The following CEP41 variants were observed in gnomAD, a reference collection of about 807,000 sequenced individuals.
CEP41 encodes the protein centrosomal protein 41, also known as centrosomal protein of 41 kDa.
In CEP41, 32 loss-of-function variants were observed where a neutral mutation model predicts 44.3. The observed-to-expected ratio is 0.72, with a 90% CI of 0.54 to 0.97. The LOEUF (loss-of-function observed/expected upper bound fraction) is 0.97, where lower values mean the gene tolerates loss of function less well. CEP41 is among the 50% of genes least tolerant of loss of function. The pLI, the probability that CEP41 is intolerant of heterozygous loss-of-function variation, is 0.00. For missense variants in CEP41, 432 were observed against 455.2 expected, an observed-to-expected ratio of 0.95 and a Z score of 0.46; for synonymous variants, 151 against 168.5, an observed-to-expected ratio of 0.90 and a Z score of 0.80.
At chr7:130,399,710 C>G (rs1796783238) in intron 10 of CEP41, 5 of 302,792 alleles carry the variant, frequency 1.7e-5, no homozygotes, top group Non-Finnish European at 3.2e-5. Flanking sequence ...ATCCCACCTA[C>G]TCGGGAGGCT....
intron 3 of CEP41, among the ~76,000 whole-genome samples, chr7:130,413,662 G>A (rs1197738357): frequency 6.6e-6 from 1 of 151,736 alleles, no homozygotes; most frequent in Non-Finnish European, 1.5e-5. Context: ...CTCACATATA[G>A]GTACTTCTGC....
intron 5 of CEP41, among the ~76,000 whole-genome samples, chr7:130,405,959 C>G (rs1232079794): frequency 2.0e-5 from 3 of 152,070 alleles, no homozygotes; most frequent in African/African-American, 7.2e-5. Flanking sequence ...AATCAGCAAT[C>G]CTTTCATTAA....
rs1554415526 is a variant in CEP41 at position 130,397,941 on chromosome 7, T to G, written c.*950A>C. On this transcript the variant is annotated 3_prime_UTR_variant, in exon 11 of 11. Coordinates refer to ENST00000223208, the MANE Select transcript of CEP41 (RefSeq NM_018718.3). The stretch of plus-strand genomic sequence containing the variant: ...AATACTGTATTTCTAAGCAAGGGCT[T>G]ACGAGGTTGTCAGCCCTGACAAAGG... 3 of 454,522 alleles carry G rather than the reference T, an allele frequency of 6.6e-6. No individual in the cohort carries two copies. The highest frequency in any genetic ancestry group is 4.7e-5 in the South Asian group (3 of 64,478). The allele number at this position is 454,522 out of a possible 1,614,324, so 28.2% of individuals were successfully genotyped here. A position where few individuals can be genotyped will look rare whatever the true frequency, so the allele number is the denominator to read the frequency against.
At chr7:130,421,353 C>T (rs1314970898) in intron 2 of CEP41, 1 of 985,348 alleles carries the variant, frequency 1.0e-6, no homozygotes, top group Non-Finnish European at 1.2e-6. Context: ...TATTTCCCTC[C>T]TCTATGGAGA....
At chr7:130,430,310 CAGTCCTTCAGTGTCATTAA>C (rs546869884) in intron 1 of CEP41, among the ~76,000 whole-genome samples, 17 of 152,182 alleles carry the variant, frequency 1.1e-4, no homozygotes, top group Non-Finnish European at 2.2e-4. Context: ...GTGAAAGGGT[CAGTCCTTCAGTGTCATTAA>C]AAACCATTCA....
At chr7:130,433,611 A>C (rs1797884788) in intron 1 of CEP41, among the ~76,000 whole-genome samples, 1 of 152,196 alleles carries the variant, frequency 6.6e-6, no homozygotes, top group East Asian at 1.9e-4. Context: ...GGTTTACATA[A>C]AAGAAAATGT....
At chr7:130,420,121 G>A (rs150292718) in intron 2 of CEP41, 15 of 951,598 alleles carry the variant, frequency 1.6e-5, no homozygotes, top group African/African-American at 3.6e-5. Flanking sequence ...CAGGAGTTCC[G>A]GACCAGCCTG....
At chr7:130,423,482 G>A (rs1341077263) in intron 2 of CEP41, among the ~76,000 whole-genome samples, 3 of 152,244 alleles carry the variant, frequency 2.0e-5, no homozygotes, top group Non-Finnish European at 2.9e-5. Context: ...CATTGGTGAT[G>A]ATGTGGAGAA....
At position 130,403,395 on chromosome 7, in the gene CEP41, G is replaced by C. The variant is rs188228275; in HGVS notation, c.423-596C>G. On this transcript the variant is annotated intron_variant, in intron 6 of 10. Transcript: ENST00000223208. The stretch of plus-strand genomic sequence containing the variant: ...GTGGCATTCATAGAATGAGGCAGAG[G>C]AAGAGCTGGGATTAAAATGAGGAAG... Among the ~76,000 whole-genome samples the C allele has an allele frequency of 2.6e-5, 4 of 152,282 alleles. No individual in the cohort carries two copies. The East Asian group carries it at 7.7e-4, about 29-fold the overall frequency.
intron 1 of CEP41, among the ~76,000 whole-genome samples, chr7:130,431,101 G>A (rs1185310364): frequency 6.6e-6 from 1 of 151,116 alleles, no homozygotes; most frequent in Non-Finnish European, 1.5e-5. Flanking sequence ...TCTTGTTCCT[G>A]ACTTTCTAGT....
intron 1 of CEP41, among the ~76,000 whole-genome samples, chr7:130,433,456 T>C (rs1797880148): frequency 1.3e-5 from 2 of 152,132 alleles, no homozygotes; most frequent in Admixed American, 1.3e-4. Context: ...GGGTCAATTT[T>C]GGATCTATTT....
At chr7:130,419,719 C>T in intron 2 of CEP41, 1 of 985,270 alleles carries the variant, frequency 1.0e-6, no homozygotes, top group Non-Finnish European at 1.2e-6. Context: ...GCACTGGACA[C>T]CAACTCACTA....
intron 2 of CEP41, among the ~76,000 whole-genome samples, chr7:130,423,894 G>GA (rs1797584009): frequency 6.6e-6 from 1 of 152,164 alleles, no homozygotes; most frequent in Non-Finnish European, 1.5e-5. Flanking sequence ...GCATCTACAC[G>GA]AAATGTTCAG....
At position 130,399,130 on chromosome 7, in the gene CEP41, C is replaced by T. The variant is rs1796764850; in HGVS notation, c.974-91G>A. 3.3e-6 allele frequency: 5 copies of T among 1,504,964 alleles called. No individual in the cohort carries two copies. The Admixed American group carries it at 8.3e-5, about 25-fold the overall frequency. The allele number at this position is 1,504,964 out of a possible 1,614,324, so 93.2% of individuals were successfully genotyped here. On this transcript the variant is annotated intron_variant, in intron 10 of 10. Coordinates refer to ENST00000223208, the MANE Select transcript of CEP41 (RefSeq NM_018718.3). ...AGTTTTAAGCTAATGAAGTCCTAGCCTACAACCACTTTTAAGCTAATGAAG... is the reference window on the plus strand; with the variant it reads ...AGTTTTAAGCTAATGAAGTCCTAGCTTACAACCACTTTTAAGCTAATGAAG...
At position 130,396,229 on chromosome 7, in the gene CEP41, T is replaced by C. The variant is rs782755677; in HGVS notation, c.*2662A>G. On this transcript the variant is annotated 3_prime_UTR_variant, in exon 11 of 11. Transcript: ENST00000223208. ...GATGAAGCACCTTCTGTCTCAGGGT[T>C]CACAAGCCCCAGACAAGGGCAGCTA... 2.2e-6 allele frequency: 1 copy of C among 454,076 alleles called. No individual in the cohort carries two copies. The highest frequency in any genetic ancestry group is 1.6e-5 in the South Asian group (1 of 64,478). The allele number at this position is 454,076 out of a possible 1,614,324, so 28.1% of individuals were successfully genotyped here.
chr7:130,405,731 C>A (rs1448980871), intron 5 of CEP41, among the ~76,000 whole-genome samples: 2 of 152,110 alleles, frequency 1.3e-5, no homozygotes, highest in Non-Finnish European at 2.9e-5. Flanking sequence ...ACTGCAAGTG[C>A]CTGATTTTAA....
At chr7:130,427,425 TG>T (rs1274616287) in intron 2 of CEP41, among the ~76,000 whole-genome samples, 2 of 149,460 alleles carry the variant, frequency 1.3e-5, no homozygotes, top group Non-Finnish European at 3.0e-5. Flanking sequence ...AAATTCTGAC[TG>T]GTATTTCAGT....
chr7:130,422,013 G>A (rs1554422336), intron 2 of CEP41: 3 of 1,535,578 alleles, frequency 2.0e-6, no homozygotes, highest in Admixed American at 3.9e-5. Flanking sequence ...GGCACCTATG[G>A]AACAAAAGAA....
At chr7:130,405,803 G>A (rs1430885955) in intron 5 of CEP41, among the ~76,000 whole-genome samples, 1 of 151,978 alleles carries the variant, frequency 6.6e-6, no homozygotes, top group Non-Finnish European at 1.5e-5. Flanking sequence ...TAATCCTTAA[G>A]AAACTAGCAG....
Sources: gnomAD v4.1 joint callset for allele counts (sites outside exome capture counted in the v4.1 genomes callset) on GRCh38, gnomAD v4.1.1 for gene constraint, MANE v1.5 for transcripts, NCBI Gene and HGNC (gene_info 2026-07-23, HGNC 2026-07-21) for gene names.